The following PAQR7 variants were observed in gnomAD, a reference collection of about 807,000 sequenced individuals.
The protein encoded by PAQR7 is membrane progestin receptor alpha.
In PAQR7, 14 loss-of-function variants were observed where a neutral mutation model predicts 24.6. The ratio of observed to expected loss-of-function variants is 0.57; its 90% confidence interval spans 0.38 to 0.89. The LOEUF (loss-of-function observed/expected upper bound fraction) is 0.89, where lower values mean the gene tolerates loss of function less well. Ranked by LOEUF, PAQR7 falls within the 40% of genes least tolerant of loss-of-function variation. PAQR7 has a pLI of 0.00. For synonymous variants in PAQR7, 189 were observed against 198.8 expected (o/e 0.95, Z 0.42); for missense variants, 351 against 444.0 (o/e 0.79, Z 1.88).
intron 2 of PAQR7, among the ~76,000 whole-genome samples, chr1:25,867,508 C>T (rs924112843): frequency 2.0e-5 from 3 of 152,178 alleles, no homozygotes; most frequent in Non-Finnish European, 1.5e-5. Flanking sequence ...CCCTCCCTGC[C>T]TGCCAAATAA....
chr1:25,863,832 A>T lies in PAQR7; in HGVS notation c.8T>A (p.Met3Lys), dbSNP rs772978544. 1 of 1,610,468 alleles carries T rather than the reference A, an allele frequency of 6.2e-7. No homozygotes were observed. Among genetic ancestry groups the T allele is most frequent in the Non-Finnish European group, 8.5e-7 (1 of 1,178,192 alleles). MA[M>K]AQKLSHLLPS... The stretch of plus-strand genomic sequence containing the variant: ...CAGGAGGTGGCTGAGTTTCTGGGCC[A>T]TGGCCATGGCTGTGGGCCTGGGCAG... The change falls in exon 3 of 3, where the codon ATG (methionine) becomes AAG (lysine). Residue 3 changes from methionine (M) to lysine (K), a missense_variant. Met to Lys is a moderately conservative substitution (Grantham distance 95). Transcript: ENST00000675840. The surrounding 1 kb of genome is among the most constrained non-coding windows in gnomAD (Gnocchi z 6.1).
In PAQR7 at chr1:25,875,604, G is replaced by C. The variant is rs2048646057; in HGVS notation, c.-225C>G. Among the ~76,000 whole-genome samples, 1 of 151,172 alleles carries C rather than the reference G, an allele frequency of 6.6e-6. No individual in the cohort carries two copies. Among genetic ancestry groups the C allele is most frequent in the African/African-American group, 2.4e-5 (1 of 41,198 alleles). On this transcript the variant is annotated 5_prime_UTR_variant, in exon 1 of 3. Transcript: ENST00000675840. This position sits in a 1 kb window ranked among gnomAD's most constrained non-coding sequence, Gnocchi z 5.4. Reference sequence around the variant, plus strand: ...CGGGGGAGGGCGGGCGGCCTCGGGCGCTCTGGCTACAGCCGCCTCCGCGGG... The same window carrying C: ...CGGGGGAGGGCGGGCGGCCTCGGGCCCTCTGGCTACAGCCGCCTCCGCGGG...
At position 25,863,459 on chromosome 1, in the gene PAQR7, C is replaced by T; in HGVS notation, c.381G>A (p.Leu127=). 1 of 1,614,184 alleles carries T rather than the reference C, an allele frequency of 6.2e-7. No homozygotes were observed. The highest frequency in any genetic ancestry group is 8.5e-7 in the Non-Finnish European group (1 of 1,180,026). Residue 127 remains leucine, a synonymous_variant, in exon 3 of 3, where the codon CTG becomes CTA. Coordinates refer to ENST00000675840, the MANE Select transcript of PAQR7 (RefSeq NM_178422.6). The surrounding 1 kb of genome is among the most constrained non-coding windows in gnomAD (Gnocchi z 6.1). ...YLSFSALAHL[L]QAKSEFWHYS... is the part of the protein sequence containing the mutation. ...AATGCCAGAACTCAGACTTGGCCTG[C>T]AGGAGGTGAGCCAAGGCACTGAAGG...
At position 25,862,606 on chromosome 1, in the gene PAQR7, T is replaced by G; in HGVS notation, c.*193A>C. 2 of 627,504 alleles carry G rather than the reference T, an allele frequency of 3.2e-6. No individual in the cohort carries two copies. Among genetic ancestry groups the G allele is most frequent in the East Asian group, 5.8e-5 (2 of 34,390 alleles). 38.9% of individuals were successfully genotyped at this position (627,504 alleles called of 1,614,324 possible). A position where few individuals can be genotyped will look rare whatever the true frequency, so the allele number is the denominator to read the frequency against. On this transcript the variant is annotated 3_prime_UTR_variant, in exon 3 of 3. Coordinates refer to ENST00000675840, the MANE Select transcript of PAQR7 (RefSeq NM_178422.6). ...CAAGGAGCTGGGGCAGGCCCAGGAG[T>G]GGACCCCAGCAACTCCTAGCCAATC...
At chr1:25,868,045 G>A (rs983822058) in intron 2 of PAQR7, among the ~76,000 whole-genome samples, 1 of 152,210 alleles carries the variant, frequency 6.6e-6, no homozygotes, top group Non-Finnish European at 1.5e-5. Flanking sequence ...GCTGGTTGGG[G>A]AGCCAGTTCT....
At chr1:25,871,554 T>C (rs944031263) in intron 1 of PAQR7, among the ~76,000 whole-genome samples, 1 of 151,678 alleles carries the variant, frequency 6.6e-6, no homozygotes, top group African/African-American at 2.4e-5. Context: ...CCCCTCCACT[T>C]CCTCACCCCT....
At chr1:25,865,674 G>C (rs373426446) in intron 2 of PAQR7, among the ~76,000 whole-genome samples, 3 of 152,322 alleles carry the variant, frequency 2.0e-5, no homozygotes, top group African/African-American at 7.2e-5. Context: ...CAGGCGTGGT[G>C]GCAGACACCT....
chr1:25,874,496 A>C (rs1319939748), intron 1 of PAQR7, among the ~76,000 whole-genome samples: 1 of 152,198 alleles, frequency 6.6e-6, no homozygotes, highest in Non-Finnish European at 1.5e-5. Context: ...TGCACTGCTG[A>C]CCAGCAAGGA....
At chr1:25,873,586 T>C (rs1416167013) in intron 1 of PAQR7, among the ~76,000 whole-genome samples, 2 of 152,090 alleles carry the variant, frequency 1.3e-5, no homozygotes, top group African/African-American at 2.4e-5. Context: ...TAAGTAACTA[T>C]TTCTTTTCTT....
chr1:25,870,092 A>C (rs2048590959), intron 2 of PAQR7, among the ~76,000 whole-genome samples: 1 of 152,116 alleles, frequency 6.6e-6, no homozygotes, highest in South Asian at 2.1e-4. Context: ...GGAAAGGAAA[A>C]AGCAGGGGCA....
At position 25,875,698 on chromosome 1, in the gene PAQR7, G is replaced by A. The variant is rs2048647326; in HGVS notation, c.-319C>T. Among the ~76,000 whole-genome samples, 3 of 152,056 alleles carry A rather than the reference G, an allele frequency of 2.0e-5. No homozygotes were observed. The South Asian group carries it at 6.2e-4, about 32-fold the overall frequency. On this transcript the variant is annotated 5_prime_UTR_variant, in exon 1 of 3. The change creates a new upstream start codon in the 5' untranslated region. Coordinates refer to ENST00000675840, the MANE Select transcript of PAQR7 (RefSeq NM_178422.6). The surrounding 1 kb of genome is among the most constrained non-coding windows in gnomAD (Gnocchi z 5.4). ...AGCAGCTCTGCCCCGCCAGGCCCACGTGTTGCACGCGCGGGAGAGGGGTCG... is the reference window on the plus strand; with the variant it reads ...AGCAGCTCTGCCCCGCCAGGCCCACATGTTGCACGCGCGGGAGAGGGGTCG...
At chr1:25,867,308 T>A (rs919444778) in intron 2 of PAQR7, among the ~76,000 whole-genome samples, 1 of 152,206 alleles carries the variant, frequency 6.6e-6, no homozygotes, top group East Asian at 1.9e-4. Flanking sequence ...GTGCTGGGAT[T>A]ACAAATGTGA....
rs919378799 is a variant in PAQR7, at chr1:25,862,238, A to C, written c.*561T>G. 3 of 153,446 alleles carry C rather than the reference A, an allele frequency of 2.0e-5. No homozygotes were observed. The highest frequency in any genetic ancestry group is 7.2e-5 in the African/African-American group (3 of 41,448). 9.5% of individuals were successfully genotyped at this position (153,446 alleles called of 1,614,324 possible). A position where few individuals can be genotyped will look rare whatever the true frequency, so the allele number is the denominator to read the frequency against. ...TGTCTGGGATAGTGACTGAAGGAGT[A>C]TGAAGCACTGGATGGGACCCATTTG... On this transcript the variant is annotated 3_prime_UTR_variant, in exon 3 of 3. Coordinates refer to ENST00000675840, the MANE Select transcript of PAQR7 (RefSeq NM_178422.6).
rs892225021 is a variant in PAQR7, at chr1:25,869,031, G to C, written c.-23+1578C>G. Reference sequence around the variant, plus strand: ...AGTCCCAGCTACTCGGGAAGCTAAGGCAGGAGAAGGCCTTGAACCCGGGAG... The same window carrying C: ...AGTCCCAGCTACTCGGGAAGCTAAGCCAGGAGAAGGCCTTGAACCCGGGAG... On this transcript the variant is annotated intron_variant, in intron 2 of 2. Transcript: ENST00000675840. Among the ~76,000 whole-genome samples the C allele has an allele frequency of 1.2e-4, 18 of 152,026 alleles. 1 individual carries two copies. Among genetic ancestry groups the C allele is most frequent in the African/African-American group, 4.4e-4 (18 of 41,364 alleles).
chr1:25,874,014 A>G (rs1011759191), intron 1 of PAQR7, among the ~76,000 whole-genome samples: 2 of 151,966 alleles, frequency 1.3e-5, no homozygotes, highest in African/African-American at 4.8e-5. Flanking sequence ...CTCCTGAGTA[A>G]CTGGGATTAC....
At chr1:25,871,281 A>G (rs1191135952) in intron 1 of PAQR7, 1 of 152,222 alleles carries the variant, frequency 6.6e-6, no homozygotes, top group Non-Finnish European at 1.5e-5. Context: ...GTGCTTACCC[A>G]CAGGCCCAAG....
At chr1:25,869,203 A>C (rs2048583011) in intron 2 of PAQR7, among the ~76,000 whole-genome samples, 1 of 152,134 alleles carries the variant, frequency 6.6e-6, no homozygotes. Flanking sequence ...TGTTGCAATT[A>C]ACTCTCATAA....
chr1:25,865,120 C>G (rs1344003015), intron 2 of PAQR7, among the ~76,000 whole-genome samples: 5 of 149,434 alleles, frequency 3.3e-5, no homozygotes, highest in Non-Finnish European at 5.9e-5. Context: ...GCACTCCAGC[C>G]TGGGTGACAG....
intron 1 of PAQR7, 143 bp from the exon 2 acceptor site, chr1:25,870,837 T>C (rs2048597761): frequency 6.6e-6 from 1 of 152,234 alleles, no homozygotes; most frequent in African/African-American, 2.4e-5. Flanking sequence ...TATGTGACCT[T>C]AGACAAGTGA....
Sources: allele counts gnomAD v4.1 joint callset (sites outside exome capture counted in the v4.1 genomes callset), GRCh38; gene constraint gnomAD v4.1.1; non-coding constraint Gnocchi (gnomAD v3.1); transcripts MANE v1.5; gene names NCBI Gene and HGNC (gene_info 2026-07-23, HGNC 2026-07-21).